The following TUSC3 variants were observed in gnomAD, a reference collection of about 807,000 sequenced individuals.
TUSC3 encodes the protein tumor suppressor candidate 3, also known as dolichyl-diphosphooligosaccharide--protein glycosyltransferase subunit TUSC3.
A neutral mutation model predicts 44.8 loss-of-function variants in TUSC3; 45 were observed. The ratio of observed to expected loss-of-function variants is 1.00; its 90% CI spans 0.79 to 1.29. The LOEUF is 1.29. Among genes scored for constraint, TUSC3 ranks in the 50% most tolerant of loss-of-function variants. TUSC3 has a pLI of 0.00. For missense variants in TUSC3, 519 were observed against 437.9 expected (o/e 1.19, Z -1.65); for synonymous variants, 212 against 152.9 (o/e 1.39, Z -2.85).
At chr8:15,633,433 A>G (rs1282376179) in intron 2 of TUSC3, among the ~76,000 whole-genome samples, 1 of 152,182 alleles carries the variant, frequency 6.6e-6, no homozygotes, top group Non-Finnish European at 1.5e-5. Context: ...CTTTCCAAAA[A>G]GGTATTCTGC....
chr8:15,772,078 G>C, the TUSC3 span, among the ~76,000 whole-genome samples: 13 of 151,924 alleles, frequency 8.6e-5, no homozygotes, highest in African/African-American at 2.4e-5. Context: ...CACAGAGCAA[G>C]ACTCCGTCTC....
the TUSC3 span, among the ~76,000 whole-genome samples, chr8:15,839,701 G>A: frequency 6.6e-6 from 1 of 152,162 alleles, no homozygotes; most frequent in Non-Finnish European, 1.5e-5. Context: ...CAGTTAGAAT[G>A]GTGATCATTA....
intron 1 of TUSC3, among the ~76,000 whole-genome samples, chr8:15,607,600 A>G (rs1291956382): frequency 6.6e-6 from 1 of 152,166 alleles, no homozygotes; most frequent in African/African-American, 2.4e-5. Flanking sequence ...GAGAATTTAC[A>G]CTGAATACCC....
At chr8:15,474,403 A>T (rs1800547206) in intron 1 of TUSC3, among the ~76,000 whole-genome samples, 1 of 152,160 alleles carries the variant, frequency 6.6e-6, no homozygotes, top group African/African-American at 2.4e-5. Flanking sequence ...AAGAAATTAT[A>T]AGAGTATTAT....
the TUSC3 span, among the ~76,000 whole-genome samples, chr8:15,813,847 G>T: frequency 6.6e-6 from 1 of 152,172 alleles, no homozygotes; most frequent in Admixed American, 6.5e-5. Context: ...CGTTGAGGCA[G>T]TGGGATGAAG....
Position 15,730,046 on chromosome 8 carries a change from T to C in TUSC3, c.799-620T>C, listed in dbSNP as rs116672962. On this transcript the variant is annotated intron_variant, in intron 6 of 10. Coordinates refer to ENST00000503731, the MANE Select transcript of TUSC3 (RefSeq NM_006765.4). ...TAAAACAACTGCACAGTCACTGATA[T>C]TCGTAAGAGAGATTATCAGCAGAAA... is the stretch of plus-strand genomic sequence containing the variant. Among the ~76,000 whole-genome samples the C allele has an allele frequency of 8.6e-3, 1,313 of 152,176 alleles. 19 individuals carry two copies. The highest frequency in any genetic ancestry group is 0.029 in the African/African-American group (1,215 of 41,526).
the TUSC3 span, among the ~76,000 whole-genome samples, chr8:15,835,302 A>G: frequency 1.3e-5 from 2 of 152,078 alleles, no homozygotes; most frequent in Non-Finnish European, 2.9e-5. Flanking sequence ...TTTTTCCTGT[A>G]GCAATTACTA....
intron 1 of TUSC3, among the ~76,000 whole-genome samples, chr8:15,435,022 A>T: frequency 6.8e-6 from 1 of 148,068 alleles, no homozygotes; most frequent in Non-Finnish European, 1.5e-5. Flanking sequence ...TTATAGCAGC[A>T]TGATTTATAA....
At position 15,765,421 on chromosome 8, in the gene TUSC3, A is replaced by G. The variant is rs1265366054; in HGVS notation, c.*1265A>G. ...AAGATTTGAGTAACAGACCATGGAG[A>G]ATTGTTTTCATTGGGAGTTCCAGCT... On this transcript the variant is annotated 3_prime_UTR_variant, in exon 11 of 11. Coordinates refer to ENST00000503731, the MANE Select transcript of TUSC3 (RefSeq NM_006765.4). 6.6e-6 allele frequency: 1 copy of G among 151,920 alleles called. No homozygotes were observed. The highest frequency in any genetic ancestry group is 1.5e-5 in the Non-Finnish European group (1 of 67,890). 9.4% of individuals were successfully genotyped at this position (151,920 alleles called of 1,614,324 possible).
intron 1 of TUSC3, among the ~76,000 whole-genome samples, chr8:15,430,812 ACAAG>A (rs1220711536): frequency 1.3e-5 from 2 of 151,762 alleles, no homozygotes; most frequent in African/African-American, 2.4e-5. Context: ...TGCAAAAATC[ACAAG>A]CATTCTTATA....
chr8:15,659,422 C>G, intron 3 of TUSC3, 85 bp from the exon 4 acceptor site: 1 of 1,516,768 alleles, frequency 6.6e-7, no homozygotes, highest in Non-Finnish European at 8.9e-7. Flanking sequence ...TGCTGTTTTC[C>G]CCGAATTTCT....
At chr8:15,576,171 A>T (rs944031064) in intron 1 of TUSC3, among the ~76,000 whole-genome samples, 1 of 149,288 alleles carries the variant, frequency 6.7e-6, no homozygotes, top group Non-Finnish European at 1.5e-5. Context: ...TTGCTTGTTT[A>T]TGAGAGACTG....
At chr8:15,588,781 G>A (rs1428532804) in intron 1 of TUSC3, among the ~76,000 whole-genome samples, 1 of 152,126 alleles carries the variant, frequency 6.6e-6, no homozygotes, top group Non-Finnish European at 1.5e-5. Flanking sequence ...TGGATAGTCA[G>A]TTTTCCCCGC....
At chr8:15,603,747 G>A (rs113342046) in intron 1 of TUSC3, among the ~76,000 whole-genome samples, 11 of 151,140 alleles carry the variant, frequency 7.3e-5, no homozygotes, top group African/African-American at 2.7e-4. Flanking sequence ...AAGTACCTGC[G>A]ATTCCTATGG....
chr8:15,796,694 A>T, the TUSC3 span, among the ~76,000 whole-genome samples: 1 of 152,174 alleles, frequency 6.6e-6, no homozygotes, highest in Non-Finnish European at 1.5e-5. Context: ...ACAGAAAGGG[A>T]GACAAAGTTT....
intron 1 of TUSC3, among the ~76,000 whole-genome samples, chr8:15,545,454 C>G (rs1182847343): frequency 1.3e-5 from 2 of 151,648 alleles, no homozygotes; most frequent in Admixed American, 6.6e-5. Flanking sequence ...CAAAAGTAAA[C>G]ACTCATTTTT....
At chr8:15,825,342 G>C in the TUSC3 span, among the ~76,000 whole-genome samples, 1 of 152,152 alleles carries the variant, frequency 6.6e-6, no homozygotes, top group African/African-American at 2.4e-5. Flanking sequence ...AGGCAAAGGA[G>C]GAGTAAGGCA....
intron 1 of TUSC3, among the ~76,000 whole-genome samples, chr8:15,437,070 G>A (rs28529296): frequency 0.16 from 24,691 of 152,070 alleles, 2,076 homozygotes; most frequent in Middle Eastern, 0.22. Flanking sequence ...AAGTTTAAAG[G>A]AAATTAGTCT....
chr8:15,729,669 A>G (rs1288954112), intron 6 of TUSC3, among the ~76,000 whole-genome samples: 5 of 152,130 alleles, frequency 3.3e-5, no homozygotes, highest in Non-Finnish European at 4.4e-5. Context: ...TTGAGTACAC[A>G]TGGACAGAGA....
Sources: gnomAD v4.1 joint callset for allele counts (sites outside exome capture counted in the v4.1 genomes callset) on GRCh38, gnomAD v4.1.1 for gene constraint, MANE v1.5 for transcripts, NCBI Gene and HGNC (gene_info 2026-07-23, HGNC 2026-07-21) for gene names.